Variants in SYT1 observed in about 807,000 individuals in gnomAD.
The protein encoded by SYT1 is synaptotagmin-1.
Under a neutral mutation model 44.8 loss-of-function variants are expected in SYT1, and 8 were observed. The observed-to-expected ratio is 0.18, with a 90% CI of 0.10 to 0.32. SYT1 has a LOEUF of 0.32. SYT1 is among the 10% of genes least tolerant of loss of function. SYT1 has a pLI of 1.00. For missense variants in SYT1, 286 were observed against 509.3 expected (o/e 0.56, Z 4.22); for synonymous variants, 154 against 188.8 (o/e 0.82, Z 1.51).
intron 1 of SYT1, among the ~76,000 whole-genome samples, chr12:78,865,393 C>A (rs917247433): frequency 6.6e-6 from 1 of 152,132 alleles, no homozygotes; most frequent in South Asian, 2.1e-4. Flanking sequence ...CCGTCCCCCA[C>A]CCCCAATCTC....
chr12:78,905,418 A>G (rs1875920592), intron 1 of SYT1, among the ~76,000 whole-genome samples: 1 of 152,096 alleles, frequency 6.6e-6, no homozygotes, highest in African/African-American at 2.4e-5. Flanking sequence ...TTGTATGTTG[A>G]CAGTGGTGTC....
At chr12:79,048,481 A>G (rs530872860) in intron 3 of SYT1, among the ~76,000 whole-genome samples, 4 of 152,036 alleles carry the variant, frequency 2.6e-5, no homozygotes, top group African/African-American at 9.6e-5. Context: ...TGAGAAAGGC[A>G]GAGAAAACAC....
intron 3 of SYT1, among the ~76,000 whole-genome samples, chr12:79,105,268 T>C (rs1249393217): frequency 6.6e-6 from 1 of 152,184 alleles, no homozygotes; most frequent in Non-Finnish European, 1.5e-5. Flanking sequence ...GCTTCCCATG[T>C]GTGATGAGTA....
intron 3 of SYT1, among the ~76,000 whole-genome samples, chr12:79,071,337 G>T (rs1592721389): frequency 6.6e-6 from 1 of 152,218 alleles, no homozygotes; most frequent in East Asian, 1.9e-4. Flanking sequence ...AATAACAAAT[G>T]ATATGGACTT....
At chr12:79,097,123 T>G (rs1878179477) in intron 3 of SYT1, among the ~76,000 whole-genome samples, 1 of 151,964 alleles carries the variant, frequency 6.6e-6, no homozygotes, top group Non-Finnish European at 1.5e-5. Context: ...GCTACTTACA[T>G]ACTTGGGAAT....
intron 3 of SYT1, among the ~76,000 whole-genome samples, chr12:79,213,171 T>C (rs1283494519): frequency 1.3e-5 from 2 of 152,196 alleles, no homozygotes. Context: ...ATTGAATTTA[T>C]CCAAGTATTT....
intron 3 of SYT1, among the ~76,000 whole-genome samples, chr12:79,098,625 A>C (rs1878281342): frequency 6.6e-6 from 1 of 152,136 alleles, no homozygotes; most frequent in South Asian, 2.1e-4. Flanking sequence ...AAAAACATTT[A>C]ATGTTCTGGT....
chr12:78,902,838 G>A lies in SYT1; in HGVS notation c.-217+37729G>A, dbSNP rs76746760. ...ATCTGATACTCATGAAATTTGTAGC[G>A]TGCTGTGAAAGACTCTGACACTATT... On this transcript the variant is annotated intron_variant, in intron 1 of 10. Transcript: ENST00000261205. Among the ~76,000 whole-genome samples, 872 of 152,062 alleles carry A rather than the reference G, an allele frequency of 5.7e-3. 12 individuals carry two copies. Among genetic ancestry groups the A allele is most frequent in the African/African-American group, 0.019 (785 of 41,482 alleles).
chr12:79,217,880 T>C (rs1874911450), intron 4 of SYT1, among the ~76,000 whole-genome samples, 195 bp downstream of exon 4: 1 of 133,672 alleles, frequency 7.5e-6, no homozygotes, highest in African/African-American at 2.9e-5. Context: ...ATATACTTCA[T>C]AAATGAAAAT....
chr12:79,266,006 CTGGAAAAGTTGATATTTT>C (rs1245298897), intron 4 of SYT1, among the ~76,000 whole-genome samples: 1 of 152,122 alleles, frequency 6.6e-6, no homozygotes, highest in African/African-American at 2.4e-5. Context: ...TCTAAATAAT[CTGGAAAAGTTGATATTTT>C]TTAAGTGTAC....
chr12:79,280,749 A>G (rs1006411410), intron 4 of SYT1, among the ~76,000 whole-genome samples: 8 of 152,082 alleles, frequency 5.3e-5, no homozygotes, highest in Non-Finnish European at 1.2e-4. Flanking sequence ...TTCACAAACT[A>G]TACATCCAAC....
chr12:78,929,845 G>T (rs1877535696), intron 1 of SYT1, among the ~76,000 whole-genome samples: 1 of 152,164 alleles, frequency 6.6e-6, no homozygotes, highest in Non-Finnish European at 1.5e-5. Context: ...ATTTTATACT[G>T]ACTTACAGAT....
Position 79,087,931 on chromosome 12 carries a change from C to G in SYT1, c.-18+40569C>G, listed in dbSNP as rs571085020. ...CTGAGATACACAAACTGATATTCCT[C>G]TGAGTTTTCAAGTTGGAGAACTGGC... On this transcript the variant is annotated intron_variant, in intron 3 of 10. Transcript: ENST00000261205. Among the ~76,000 whole-genome samples, 5 of 152,066 alleles carry G rather than the reference C, an allele frequency of 3.3e-5. 2 individuals are homozygous for G. In the South Asian group the frequency reaches 1.0e-3, roughly 31 times the overall value.
At chr12:79,375,394 C>G (rs1883953584) in intron 9 of SYT1, among the ~76,000 whole-genome samples, 1 of 152,144 alleles carries the variant, frequency 6.6e-6, no homozygotes, top group African/African-American at 2.4e-5. Context: ...TGTAGAGGAG[C>G]TGCTAAGAAA....
At chr12:78,878,230 G>C (rs377204428) in intron 1 of SYT1, among the ~76,000 whole-genome samples, 1 of 151,708 alleles carries the variant, frequency 6.6e-6, no homozygotes, top group African/African-American at 2.4e-5. Context: ...CTTTAAAATA[G>C]TGAGTGGAGA....
At chr12:78,923,555 T>A (rs199701499) in intron 1 of SYT1, among the ~76,000 whole-genome samples, 26 of 151,678 alleles carry the variant, frequency 1.7e-4, no homozygotes, top group African/African-American at 6.0e-4. Context: ...TAGAACTATT[T>A]AAAAAAAATT....
At chr12:79,257,498 T>C (rs555104831) in intron 4 of SYT1, among the ~76,000 whole-genome samples, 108 of 152,356 alleles carry the variant, frequency 7.1e-4, no homozygotes, top group African/African-American at 2.5e-3. Context: ...TTTTTGTTTT[T>C]GAGACGGAGT....
intron 1 of SYT1, among the ~76,000 whole-genome samples, chr12:78,936,424 T>G (rs543744348): frequency 6.6e-6 from 1 of 152,176 alleles, no homozygotes; most frequent in Non-Finnish European, 1.5e-5. Context: ...TATTTACTGT[T>G]TCTTAAATCA....
chr12:79,255,608 T>C (rs953801537), intron 4 of SYT1, among the ~76,000 whole-genome samples: 4 of 152,192 alleles, frequency 2.6e-5, no homozygotes, highest in African/African-American at 9.6e-5. Context: ...AGTAAATTAA[T>C]CCCTGCATAA....
Sources: gnomAD v4.1 joint callset for allele counts (sites outside exome capture counted in the v4.1 genomes callset) on GRCh38, gnomAD v4.1.1 for gene constraint, MANE v1.5 for transcripts, NCBI Gene and HGNC (gene_info 2026-07-23, HGNC 2026-07-21) for gene names.